The following RHOBTB1 variants were observed in gnomAD, a reference collection of about 807,000 sequenced individuals.
RHOBTB1 encodes Rho related BTB domain containing 1, also known as rho-related BTB domain-containing protein 1.
RHOBTB1 carries 40 observed loss-of-function variants against 71.6 expected under a neutral mutation model. That is an observed-to-expected ratio of 0.56 (90% CI 0.43 to 0.73). The LOEUF (loss-of-function observed/expected upper bound fraction) is 0.73. Among genes scored for constraint, RHOBTB1 ranks in the 30% least tolerant of loss-of-function variants. The pLI is 0.00. For synonymous variants in RHOBTB1, 319 were observed against 334.9 expected, an observed-to-expected ratio of 0.95 and a Z score of 0.52; for missense variants, 797 against 894.0, an observed-to-expected ratio of 0.89 and a Z score of 1.38.
At chr10:60,961,644 TG>T (rs2085781289) in intron 2 of RHOBTB1, among the ~76,000 whole-genome samples, 1 of 152,120 alleles carries the variant, frequency 6.6e-6, no homozygotes, top group Admixed American at 6.5e-5. Context: ...TTCTTAGAGA[TG>T]GGGGGACTTA....
At chr10:60,979,363 T>C (rs1219817274) in intron 2 of RHOBTB1, among the ~76,000 whole-genome samples, 1 of 152,136 alleles carries the variant, frequency 6.6e-6, no homozygotes, top group Non-Finnish European at 1.5e-5. Flanking sequence ...CAAACTTACC[T>C]AGTTAAAGTT....
At position 60,989,511 on chromosome 10, in the gene RHOBTB1, G is replaced by A. The variant is rs1042858023; in HGVS notation, c.-162-3566C>T. 2.2e-4 allele frequency among the ~76,000 whole-genome samples: 33 copies of A among 152,128 alleles called. 1 individual carries two copies. Among genetic ancestry groups the A allele is most frequent in the Admixed American group, 1.4e-3 (21 of 15,272 alleles). On this transcript the variant is annotated intron_variant, in intron 1 of 11. Coordinates refer to the RHOBTB1 transcript ENST00000357917. Reference sequence around the variant, plus strand: ...CAGCCTTATCTCTCTCCAGTTGCCCGCTAATCTCTCACTTCCTCTTCATAG... The same window carrying A: ...CAGCCTTATCTCTCTCCAGTTGCCCACTAATCTCTCACTTCCTCTTCATAG...
At chr10:60,955,689 T>C (rs1201612307) in intron 2 of RHOBTB1, among the ~76,000 whole-genome samples, 106 of 152,170 alleles carry the variant, frequency 7.0e-4, no homozygotes, top group African/African-American at 2.5e-3. Context: ...AGCCTTCCCT[T>C]AGTCTAAATT....
chr10:60,986,404 G>GATAT (rs34154360), intron 1 of RHOBTB1, among the ~76,000 whole-genome samples: 2,518 of 67,590 alleles, frequency 0.037, 42 homozygotes, highest in Non-Finnish European at 0.059. Context: ...ATAAATAAAA[G>GATAT]ATATATATAT....
chr10:60,901,740 C>T (rs1166488735), intron 4 of RHOBTB1, among the ~76,000 whole-genome samples: 2 of 152,180 alleles, frequency 1.3e-5, no homozygotes, highest in Non-Finnish European at 2.9e-5. Context: ...ATTTGACCAA[C>T]TTGTCAAGCT....
In RHOBTB1 at chr10:60,916,679, T is replaced by C. The variant is rs567808769; in HGVS notation, c.-10-5127A>G. ...TACAGTCGCCCTCAATTTCTTGCAT[T>C]GCATATGTGGTATGCAGAATAATAG... On this transcript the variant is annotated intron_variant, in intron 2 of 10. Transcript: ENST00000337910. Among the ~76,000 whole-genome samples the C allele has an allele frequency of 3.9e-5, 6 of 152,330 alleles. No homozygotes were observed. In the East Asian group the frequency reaches 9.6e-4, roughly 24 times the overall value.
chr10:60,867,004 G>A (rs1244979072), downstream of RHOBTB1, among the ~76,000 whole-genome samples: 1 of 152,048 alleles, frequency 6.6e-6, no homozygotes, highest in Non-Finnish European at 1.5e-5. Flanking sequence ...TGAGCACACA[G>A]GTTCCATTTC....
chr10:60,950,300 G>T (rs2085368201), intron 2 of RHOBTB1, among the ~76,000 whole-genome samples: 1 of 152,134 alleles, frequency 6.6e-6, no homozygotes, highest in African/African-American at 2.4e-5. Context: ...ATCTACATTT[G>T]AGAGAGAAAT....
At chr10:60,971,226 T>C (rs2134672398) in intron 2 of RHOBTB1, among the ~76,000 whole-genome samples, 1 of 152,040 alleles carries the variant, frequency 6.6e-6, no homozygotes, top group Non-Finnish European at 1.5e-5. Flanking sequence ...AAAAAGAGCC[T>C]ATATAGCCAA....
intron 4 of RHOBTB1, 131 bp from the exon 5 acceptor site, chr10:60,893,126 A>G (rs2082003312): frequency 1.5e-6 from 1 of 683,426 alleles, no homozygotes; most frequent in African/African-American, 1.8e-5. Flanking sequence ...AAGACCAGAT[A>G]TTAAAAAACA....
chr10:60,884,604 GATGA>G (rs1423934504), intron 7 of RHOBTB1, among the ~76,000 whole-genome samples: 9 of 152,248 alleles, frequency 5.9e-5, no homozygotes, highest in African/African-American at 2.2e-4. Flanking sequence ...TCAACAGATG[GATGA>G]ATAAGAAAAT....
intron 6 of RHOBTB1, among the ~76,000 whole-genome samples, chr10:60,887,934 A>G (rs77394867): frequency 0.037 from 5,566 of 152,200 alleles, 178 homozygotes; most frequent in East Asian, 0.094. Context: ...ATGGGTTCAA[A>G]TCCTGGCTCT....
upstream of RHOBTB1, among the ~76,000 whole-genome samples, chr10:60,945,932 C>T (rs988503399): frequency 4.6e-5 from 7 of 152,196 alleles, no homozygotes; most frequent in Non-Finnish European, 7.3e-5. Flanking sequence ...GTAATCCTAG[C>T]GCTTTGGGAG....
chr10:60,913,012 A>G (rs557063033), intron 2 of RHOBTB1: 1 of 152,348 alleles, frequency 6.6e-6, no homozygotes, highest in Admixed American at 6.5e-5. Flanking sequence ...TGGTAAAGAA[A>G]CTGTTCAGAG....
At chr10:60,948,636 T>C (rs1247637984), upstream of RHOBTB1, among the ~76,000 whole-genome samples, 1 of 152,220 alleles carries the variant, frequency 6.6e-6, no homozygotes, top group Non-Finnish European at 1.5e-5. Context: ...TTCCAGGAGT[T>C]ACAGAGAAAT....
chr10:60,874,257 T>C (rs987170720), intron 9 of RHOBTB1, among the ~76,000 whole-genome samples: 1 of 152,232 alleles, frequency 6.6e-6, no homozygotes, highest in African/African-American at 2.4e-5. Context: ...AGGGACTAGA[T>C]AATTCTGCAG....
chr10:61,000,027 G>A (rs1457244631), intron 1 of RHOBTB1, among the ~76,000 whole-genome samples: 1 of 152,166 alleles, frequency 6.6e-6, no homozygotes, highest in African/African-American at 2.4e-5. Context: ...CATCTTACAT[G>A]CATGGCATAA....
At chr10:60,958,169 G>A (rs1298304095) in intron 2 of RHOBTB1, among the ~76,000 whole-genome samples, 1 of 152,148 alleles carries the variant, frequency 6.6e-6, no homozygotes, top group East Asian at 1.9e-4. Flanking sequence ...GAAATCATAA[G>A]GAACTTGAGG....
At chr10:60,936,502 A>G (rs1376660868) in intron 2 of RHOBTB1, among the ~76,000 whole-genome samples, 1 of 152,230 alleles carries the variant, frequency 6.6e-6, no homozygotes, top group Non-Finnish European at 1.5e-5. Flanking sequence ...CATCCCTCCT[A>G]TATTTAAGAT....
Sources: gnomAD v4.1 joint callset for allele counts (sites outside exome capture counted in the v4.1 genomes callset) on GRCh38, gnomAD v4.1.1 for gene constraint, MANE v1.5 for transcripts, NCBI Gene and HGNC (gene_info 2026-07-23, HGNC 2026-07-21) for gene names.